HNRNPLL: variants seen among roughly 807,000 people sequenced by gnomAD.
The protein encoded by HNRNPLL is heterogeneous nuclear ribonucleoprotein L-like.
A neutral mutation model predicts 67.1 loss-of-function variants in HNRNPLL; 25 were observed. That is an observed-to-expected ratio of 0.37 (90% confidence interval 0.27 to 0.52). The LOEUF (loss-of-function observed/expected upper bound fraction) is 0.52, where lower values mean the gene tolerates loss of function less well. HNRNPLL is among the 20% of genes least tolerant of loss of function. The pLI, the probability that HNRNPLL is intolerant of heterozygous loss-of-function variation, is 0.90. For missense variants in HNRNPLL, 542 were observed against 673.9 expected, an observed-to-expected ratio of 0.80 and a Z score of 2.17; for synonymous variants, 267 against 241.7, an observed-to-expected ratio of 1.10 and a Z score of -0.97.
At chr2:38,584,024 A>G in intron 3 of HNRNPLL, 98 bp from the exon 4 acceptor site, 1 of 505,154 alleles carries the variant, frequency 2.0e-6, no homozygotes, top group South Asian at 3.5e-5. Flanking sequence ...TCAACTGTCA[A>G]GATGTCATTT....
At position 38,573,454 on chromosome 2, in the gene HNRNPLL, T is replaced by C. The variant is rs752033412; in HGVS notation, c.875-27A>G. ...TATAAAAATGATCAAAATAAATAAA[T>C]TAGTTAACATATACACATAGTTGTT... is the stretch of plus-strand genomic sequence containing the variant. On this transcript the variant is annotated intron_variant, in intron 7 of 12. Coordinates refer to ENST00000449105, the MANE Select transcript of HNRNPLL (RefSeq NM_138394.4). 9.8e-6 allele frequency: 14 copies of C among 1,423,416 alleles called. No individual in the cohort carries two copies. In the African/African-American group the frequency reaches 1.9e-4, roughly 19 times the overall value. The allele number at this position is 1,423,416 out of a possible 1,614,324, so 88.2% of individuals were successfully genotyped here.
intron 2 of HNRNPLL, among the ~76,000 whole-genome samples, chr2:38,591,064 C>G (rs1019301739): frequency 5.3e-5 from 8 of 152,118 alleles, no homozygotes; most frequent in Non-Finnish European, 1.2e-4. Context: ...GCAATATGCA[C>G]CTAAACAAAT....
In HNRNPLL at chr2:38,564,844, A is replaced by G. The variant is rs76437209; in HGVS notation, c.1574-607T>C. On this transcript the variant is annotated intron_variant, in intron 12 of 12. Coordinates refer to ENST00000449105, the MANE Select transcript of HNRNPLL (RefSeq NM_138394.4). Reference sequence around the variant, plus strand: ...CTCACATTGCAAAAATATTGCCAACAGTTAACTCTCTATAAAAGCCAATTC... The same window carrying G: ...CTCACATTGCAAAAATATTGCCAACGGTTAACTCTCTATAAAAGCCAATTC... Among the ~76,000 whole-genome samples, 1,508 of 152,110 alleles carry G rather than the reference A, an allele frequency of 9.9e-3. 28 individuals are homozygous for G. The highest frequency in any genetic ancestry group is 0.035 in the African/African-American group (1,452 of 41,512).
intron 12 of HNRNPLL, chr2:38,565,895 TCA>T (rs771315400): frequency 4.3e-5 from 17 of 393,650 alleles, no homozygotes; most frequent in African/African-American, 8.7e-5. Flanking sequence ...TACCTACCCT[TCA>T]CACACAGTTT....
chr2:38,583,586 A>G (rs1666619259), intron 4 of HNRNPLL, among the ~76,000 whole-genome samples: 1 of 152,256 alleles, frequency 6.6e-6, no homozygotes. Context: ...CCAAAATAGT[A>G]CAAGTGTACA....
chr2:38,584,001 T>C, intron 3 of HNRNPLL, 75 bp from the exon 4 acceptor site: 1 of 595,420 alleles, frequency 1.7e-6, no homozygotes, highest in Non-Finnish European at 2.9e-6. Flanking sequence ...CGTTTTGTTT[T>C]ACCTAAAAAC....
intron 2 of HNRNPLL, among the ~76,000 whole-genome samples, chr2:38,586,369 G>C (rs534893186): frequency 4.6e-5 from 7 of 152,126 alleles, no homozygotes; most frequent in Non-Finnish European, 1.0e-4. Context: ...ACATATGAAA[G>C]CTTATCTCCC....
In HNRNPLL at chr2:38,582,048, T is replaced by C. The variant is rs764069778; in HGVS notation, c.729+24A>G. The C allele has an allele frequency of 7.5e-6, 12 of 1,600,730 alleles. No individual in the cohort carries two copies. The South Asian group carries it at 1.1e-4, about 15-fold the overall frequency. ...ATCCAAAGCATAAATATTTCTTGGG[T>C]AGGGTGTTGAAAAAAATATTTACCC... On this transcript the variant is annotated intron_variant, in intron 5 of 12. Coordinates refer to ENST00000449105, the MANE Select transcript of HNRNPLL (RefSeq NM_138394.4).
chr2:38,595,663 G>A (rs1325687979), intron 1 of HNRNPLL, among the ~76,000 whole-genome samples: 1 of 152,082 alleles, frequency 6.6e-6, no homozygotes, highest in Non-Finnish European at 1.5e-5. Flanking sequence ...GGCCAACATG[G>A]TGAAACCACA....
Position 38,577,504 on chromosome 2 carries a change from G to C in HNRNPLL, c.831C>G (p.Ala277=). The change falls in exon 7 of 13, where the codon GCC becomes GCG. Residue 277 remains alanine (A), a synonymous_variant. Coordinates refer to ENST00000449105, the MANE Select transcript of HNRNPLL (RefSeq NM_138394.4). The stretch of plus-strand genomic sequence containing the variant: ...ACGAAGAAGGGTGTTCTCCCAAAAT[G>C]GCTTGTCTCTGGCGACCCTTTCCTC... The part of the protein sequence containing the change: ...RDRGKGRQRQ[A]ILGEHPSSFR... The C allele has an allele frequency of 6.2e-7, 1 of 1,610,468 alleles. No individual in the cohort carries two copies. The highest frequency in any genetic ancestry group is 2.2e-5 in the East Asian group (1 of 44,820).
chr2:38,584,304 T>G (rs940905581), intron 3 of HNRNPLL, among the ~76,000 whole-genome samples: 2 of 152,178 alleles, frequency 1.3e-5, no homozygotes, highest in Non-Finnish European at 2.9e-5. Context: ...CAAGGGATCC[T>G]ACTACCTCAG....
At chr2:38,582,465 C>A (rs550432439) in intron 4 of HNRNPLL, among the ~76,000 whole-genome samples, 1 of 151,732 alleles carries the variant, frequency 6.6e-6, no homozygotes, top group African/African-American at 2.4e-5. Flanking sequence ...TGTGTGCCAC[C>A]GCACCCGGCT....
intron 12 of HNRNPLL, among the ~76,000 whole-genome samples, chr2:38,567,811 T>C (rs989963217): frequency 6.6e-5 from 10 of 152,192 alleles, no homozygotes; most frequent in African/African-American, 2.2e-4. Context: ...TGTGGCTTGA[T>C]TGAGCCTACA....
At chr2:38,573,805 G>A (rs1001178163) in intron 7 of HNRNPLL, among the ~76,000 whole-genome samples, 1 of 151,830 alleles carries the variant, frequency 6.6e-6, no homozygotes, top group Non-Finnish European at 1.5e-5. Context: ...TTTTGGAGGA[G>A]TAATAATATT....
intron 4 of HNRNPLL, among the ~76,000 whole-genome samples, chr2:38,583,128 T>A (rs983492515): frequency 6.6e-6 from 1 of 152,154 alleles, no homozygotes; most frequent in African/African-American, 2.4e-5. Context: ...TGAGAAGGCA[T>A]AGTTTTATAA....
At chr2:38,569,974 G>GT in intron 8 of HNRNPLL, 49 bp from the exon 9 acceptor site, 2 of 1,408,108 alleles carry the variant, frequency 1.4e-6, no homozygotes, top group Non-Finnish European at 2.0e-6. Context: ...CCCTTTTACA[G>GT]TAAAAGAAAT....
intron 1 of HNRNPLL, among the ~76,000 whole-genome samples, chr2:38,594,465 A>G (rs1049686293): frequency 2.0e-5 from 3 of 152,188 alleles, no homozygotes; most frequent in Non-Finnish European, 4.4e-5. Flanking sequence ...GGAAAATAGT[A>G]TAGGGGAAAA....
At chr2:38,590,174 T>C (rs1666902378) in intron 2 of HNRNPLL, among the ~76,000 whole-genome samples, 1 of 152,246 alleles carries the variant, frequency 6.6e-6, no homozygotes, top group African/African-American at 2.4e-5. Context: ...CCAAGTCATT[T>C]ACCTCTCAAT....
intron 6 of HNRNPLL, among the ~76,000 whole-genome samples, chr2:38,579,502 G>C (rs184834869): frequency 1.3e-5 from 2 of 152,120 alleles, no homozygotes; most frequent in Non-Finnish European, 2.9e-5. Context: ...AAACAGAAGT[G>C]AGCAGAAAGT....
Sources: gnomAD v4.1 joint callset for allele counts (sites outside exome capture counted in the v4.1 genomes callset) on GRCh38, gnomAD v4.1.1 for gene constraint, MANE v1.5 for transcripts, NCBI Gene and HGNC (gene_info 2026-07-23, HGNC 2026-07-21) for gene names.